The following ANKEF1 variants were observed in gnomAD, a reference collection of about 807,000 sequenced individuals.
ANKEF1 encodes the protein ankyrin repeat and EF-hand domain-containing protein 1.
In ANKEF1, 43 loss-of-function variants were observed where a neutral mutation model predicts 65.1. The ratio of observed to expected loss-of-function variants is 0.66; its 90% confidence interval spans 0.52 to 0.85. The LOEUF (loss-of-function observed/expected upper bound fraction) is 0.85. ANKEF1 is among the 40% of genes least tolerant of loss of function. The pLI, the probability that ANKEF1 is intolerant of heterozygous loss-of-function variation, is 0.00. For synonymous variants in ANKEF1, 316 were observed against 341.5 expected (o/e 0.93, Z 0.82); for missense variants, 934 against 952.9 (o/e 0.98, Z 0.26).
Position 10,056,673 on chromosome 20 carries a change from T to C in ANKEF1, c.*1013T>C, listed in dbSNP as rs1985192785. On this transcript the variant is annotated 3_prime_UTR_variant, in exon 11 of 11. Transcript: ENST00000378392. ...CCCTGAAGTCCACAAGTGGAATTTC[T>C]TCTTCATCATGGAAACCTCAGTTTT... 1 of 152,132 alleles carries C rather than the reference T, an allele frequency of 6.6e-6. No individual in the cohort carries two copies. The highest frequency in any genetic ancestry group is 2.4e-5 in the African/African-American group (1 of 41,432). 9.4% of individuals were successfully genotyped at this position (152,132 alleles called of 1,614,324 possible). A position where few individuals can be genotyped will look rare whatever the true frequency, so the allele number is the denominator to read the frequency against.
intron 3 of ANKEF1, among the ~76,000 whole-genome samples, chr20:10,042,519 T>C (rs1312006990): frequency 6.6e-6 from 1 of 152,160 alleles, no homozygotes; most frequent in Non-Finnish European, 1.5e-5. Context: ...TGACATGGAT[T>C]ATATTGAAGG....
chr20:10,046,586 A>ATTAG (rs75043361), intron 6 of ANKEF1, among the ~76,000 whole-genome samples: 96,953 of 151,556 alleles, frequency 0.64, 31,817 homozygotes, highest in African/African-American at 0.78. Context: ...AAATGAAAAT[A>ATTAG]TTAATTATAT....
intron 4 of ANKEF1, among the ~76,000 whole-genome samples, chr20:10,043,652 C>CTTTTTTTT (rs374135080): frequency 6.1e-5 from 5 of 81,372 alleles, no homozygotes; most frequent in East Asian, 3.1e-4. Flanking sequence ...TTTTCTTTTC[C>CTTTTTTTT]TTTTTTTTTT....
Position 10,055,747 on chromosome 20 carries a change from C to A in ANKEF1, c.*87C>A. On this transcript the variant is annotated 3_prime_UTR_variant, in exon 11 of 11. Transcript: ENST00000378392. ...GTAGATATTTCCATCAAAGCCAAAG[C>A]AATCCATACACCAAGAACTTGTTAC... 1.5e-6 allele frequency: 2 copies of A among 1,357,604 alleles called. No homozygotes were observed. The highest frequency in any genetic ancestry group is 2.3e-5 in the East Asian group (1 of 43,360). The allele number at this position is 1,357,604 out of a possible 1,614,324, so 84.1% of individuals were successfully genotyped here.
chr20:10,046,627 G>A (rs558820812), intron 6 of ANKEF1, among the ~76,000 whole-genome samples: 16 of 152,098 alleles, frequency 1.1e-4, no homozygotes, highest in African/African-American at 3.1e-4. Flanking sequence ...TTAATTACAT[G>A]CTAATTAAAT....
In ANKEF1 at chr20:10,049,551, A is replaced by G; in HGVS notation, c.982A>G (p.Arg328Gly). 2 of 1,614,128 alleles carry G rather than the reference A, an allele frequency of 1.2e-6. No homozygotes were observed. The highest frequency in any genetic ancestry group is 1.7e-6 in the Non-Finnish European group (2 of 1,180,012). ...AAATCCAAATCCACTGTGGGCCCTT[A>G]GACTGCACGATTGGTCCGTAGAACG... is the stretch of plus-strand genomic sequence containing the variant. ...AKNPNPLWALRLHDWSVEREA... is the reference protein window; with the variant it reads ...AKNPNPLWALGLHDWSVEREA... The change falls in exon 7 of 11, where the codon AGA becomes GGA. Residue 328 changes from arginine to glycine, a missense_variant. Physicochemically the swap from Arg to Gly is moderately radical, Grantham distance 125. Coordinates refer to ENST00000378392, the MANE Select transcript of ANKEF1 (RefSeq NM_022096.6).
At chr20:10,038,774 T>C (rs1984015995) in intron 3 of ANKEF1, 127 bp downstream of exon 3, 3 of 708,006 alleles carry the variant, frequency 4.2e-6, no homozygotes, top group Non-Finnish European at 7.0e-6. Context: ...AAAGGCTAAA[T>C]TCTCACTCCT....
chr20:10,039,604 A>G (rs953470389), intron 3 of ANKEF1, among the ~76,000 whole-genome samples: 2 of 152,250 alleles, frequency 1.3e-5, no homozygotes, highest in African/African-American at 4.8e-5. Context: ...CTTCAGATGC[A>G]TTCAGGGGCC....
chr20:10,044,389 T>C lies in ANKEF1; in HGVS notation c.547-5T>C, dbSNP rs754074424. The C allele has an allele frequency of 1.2e-6, 2 of 1,613,804 alleles. No individual in the cohort carries two copies. Among genetic ancestry groups the C allele is most frequent in the Non-Finnish European group, 1.7e-6 (2 of 1,179,796 alleles). ...GCATCTCATATTGGACTATTTCATG[T>C]CCAGTCCACAGGCCGCACAGCTTTA... On this transcript the variant is annotated splice_polypyrimidine_tract_variant and splice_region_variant and intron_variant, in intron 4 of 10. Coordinates refer to ENST00000378392, the MANE Select transcript of ANKEF1 (RefSeq NM_022096.6).
chr20:10,052,866 TAA>T (rs748816872), intron 8 of ANKEF1, among the ~76,000 whole-genome samples: 1 of 148,480 alleles, frequency 6.7e-6, no homozygotes, highest in African/African-American at 2.5e-5. Flanking sequence ...AGAAACATAG[TAA>T]AAAAAAAACT....
chr20:10,040,638 G>T (rs1984129299), intron 3 of ANKEF1: 1 of 152,150 alleles, frequency 6.6e-6, no homozygotes. Flanking sequence ...TGTGTACTCA[G>T]TCCTCAATGC....
At chr20:10,044,224 G>A (rs183548235) in intron 4 of ANKEF1, among the ~76,000 whole-genome samples, 170 bp from the exon 5 acceptor site, 25 of 152,266 alleles carry the variant, frequency 1.6e-4, no homozygotes, top group Admixed American at 3.3e-4. Context: ...CTGACCCATT[G>A]TACTTGCTTA....
Position 10,038,421 on chromosome 20 carries a change from C to G in ANKEF1, c.120C>G (p.Ile40Met). 3 of 1,614,052 alleles carry G rather than the reference C, an allele frequency of 1.9e-6. No individual in the cohort carries two copies. Among genetic ancestry groups the G allele is most frequent in the Non-Finnish European group, 2.5e-6 (3 of 1,179,928 alleles). Reference protein sequence around the residue: ...KLTKLGYPELINYTEPINGLS... With the variant: ...KLTKLGYPELMNYTEPINGLS... ...CCAAGCTTGGATACCCTGAACTAAT[C>G]AATTATACAGAACCCATTAATGGAC... The change falls in exon 3 of 11, where the codon ATC becomes ATG. Residue 40 changes from isoleucine (I) to methionine (M), a missense_variant. By Grantham distance (10) the Ile-to-Met change is conservative. Transcript: ENST00000378392.
rs1214152320 is a variant in ANKEF1 at position 10,056,298 on chromosome 20, AGATAGATAGCCCTAGCC to A, written c.*639_*655del. On this transcript the variant is annotated 3_prime_UTR_variant, in exon 11 of 11. Coordinates refer to ENST00000378392, the MANE Select transcript of ANKEF1 (RefSeq NM_022096.6). The stretch of plus-strand genomic sequence containing the variant: ...GCCCTAGATCGATAGCCCTAGCCCT[AGATAGATAGCCCTAGCC>A]CTAGATAGATAGCTATTAGGTTGGT... The A allele has an allele frequency of 5.4e-5, 3 of 55,048 alleles. No homozygotes were observed. Among genetic ancestry groups the A allele is most frequent in the African/African-American group, 2.1e-4 (3 of 14,604 alleles). The allele number at this position is 55,048 out of a possible 1,614,324, so 3.4% of individuals were successfully genotyped here.
At chr20:10,043,835 G>T (rs187525631) in intron 4 of ANKEF1, among the ~76,000 whole-genome samples, 278 of 151,528 alleles carry the variant, frequency 1.8e-3, no homozygotes, top group African/African-American at 6.1e-3. Flanking sequence ...ATTATTTTTT[G>T]TATTTTTAGT....
At chr20:10,041,168 A>G (rs1443875051) in intron 3 of ANKEF1, among the ~76,000 whole-genome samples, 2 of 151,964 alleles carry the variant, frequency 1.3e-5, no homozygotes, top group Admixed American at 1.3e-4. Flanking sequence ...AATATATAAA[A>G]TACATGTGAA....
Position 10,049,998 on chromosome 20 carries a change from C to A in ANKEF1, c.1429C>A (p.Pro477Thr). 1.9e-6 allele frequency: 3 copies of A among 1,614,124 alleles called. No homozygotes were observed. The highest frequency in any genetic ancestry group is 1.7e-6 in the Non-Finnish European group (2 of 1,179,996). ...RFNRDHPPEH[P>T]IQDDSVWYID... The stretch of plus-strand genomic sequence containing the variant: ...TAATAGAGATCATCCCCCAGAACAT[C>A]CCATTCAGGATGACTCTGTTTGGTA... The change falls in exon 7 of 11, where the codon CCC becomes ACC. Residue 477 changes from proline to threonine, a missense_variant. Transcript: ENST00000378392.
At chr20:10,036,056 T>C (rs983911195) in intron 2 of ANKEF1, among the ~76,000 whole-genome samples, 1 of 152,204 alleles carries the variant, frequency 6.6e-6, no homozygotes, top group Non-Finnish European at 1.5e-5. Flanking sequence ...GCTACACTTG[T>C]GTGATTTCCT....
chr20:10,036,032 C>T (rs148054377), intron 2 of ANKEF1, among the ~76,000 whole-genome samples: 71 of 152,290 alleles, frequency 4.7e-4, no homozygotes, highest in Middle Eastern at 3.4e-3. Context: ...TTACAAGGAA[C>T]CCAGGACCCA....
Sources: allele counts gnomAD v4.1 joint callset (sites outside exome capture counted in the v4.1 genomes callset), GRCh38; gene constraint gnomAD v4.1.1; transcripts MANE v1.5; gene names NCBI Gene and HGNC (gene_info 2026-07-23, HGNC 2026-07-21).